Variants in MINDY4 observed in about 807,000 individuals in gnomAD.
MINDY4 encodes the protein MINDY lysine 48 deubiquitinase 4, also known as probable ubiquitin carboxyl-terminal hydrolase MINDY-4.
A neutral mutation model predicts 87.0 loss-of-function variants in MINDY4; 68 were observed. That is an observed-to-expected ratio of 0.78 (90% CI 0.64 to 0.96). The LOEUF is 0.96. MINDY4 is among the 40% of genes least tolerant of loss of function. The pLI is 0.00. For synonymous variants in MINDY4, 379 were observed against 363.2 expected, an observed-to-expected ratio of 1.04 and a Z score of -0.50; for missense variants, 919 against 928.2, an observed-to-expected ratio of 0.99 and a Z score of 0.13.
In MINDY4 at chr7:30,771,439, T is replaced by C. The variant is rs1384301074; in HGVS notation, c.-55T>C. 4 of 1,565,158 alleles carry C rather than the reference T, an allele frequency of 2.6e-6. No homozygotes were observed. The highest frequency in any genetic ancestry group is 2.7e-5 in the African/African-American group (2 of 74,136). On this transcript the variant is annotated 5_prime_UTR_variant, in exon 1 of 18. Transcript: ENST00000265299. ...GCCATACTGCGCCGGACAGACCCAG[T>C]TGCCTGGTGCTGCGGCCCGGCGTGG...
chr7:30,782,130 G>A lies in MINDY4; in HGVS notation c.337G>A (p.Glu113Lys). 6.2e-7 allele frequency: 1 copy of A among 1,613,966 alleles called. No individual in the cohort carries two copies. The highest frequency in any genetic ancestry group is 8.5e-7 in the Non-Finnish European group (1 of 1,179,994). Residue 113 changes from glutamate to lysine, a missense_variant, in exon 3 of 18, where the codon GAG becomes AAG. By Grantham distance (56) the Glu-to-Lys change is moderately conservative. Coordinates refer to ENST00000265299, the MANE Select transcript of MINDY4 (RefSeq NM_032222.3). ...KNNKVPSRCS[E>K]TTLVNIYDLS... is the part of the protein sequence containing the mutation. ...TAACAAAGTGCCATCAAGATGCTCA[G>A]AGACTACACTGGTAAATATATATGA...
intron 6 of MINDY4, among the ~76,000 whole-genome samples, chr7:30,834,043 A>G (rs530100344): frequency 1.3e-5 from 2 of 152,270 alleles, no homozygotes; most frequent in Non-Finnish European, 2.9e-5. Context: ...ACATGGTGCA[A>G]GCTGTTGGTG....
At chr7:30,839,439 C>G in intron 8 of MINDY4, 123 bp downstream of exon 8, 1 of 587,834 alleles carries the variant, frequency 1.7e-6, no homozygotes, top group East Asian at 2.8e-5. Flanking sequence ...CCAGCCAGCC[C>G]CACATGTGCT....
At chr7:30,862,680 G>A (rs1789802128) in intron 13 of MINDY4, among the ~76,000 whole-genome samples, 1 of 152,186 alleles carries the variant, frequency 6.6e-6, no homozygotes, top group African/African-American at 2.4e-5. Context: ...CATTAGGTTT[G>A]TCCAGGGAAG....
chr7:30,794,550 T>C (rs182515029), intron 5 of MINDY4, among the ~76,000 whole-genome samples: 1 of 152,278 alleles, frequency 6.6e-6, no homozygotes, highest in East Asian at 1.9e-4. Flanking sequence ...GCTGAGATGT[T>C]AGGCGGTGTG....
chr7:30,779,146 C>T (rs1028644796), intron 2 of MINDY4, among the ~76,000 whole-genome samples: 5 of 152,170 alleles, frequency 3.3e-5, no homozygotes, highest in Non-Finnish European at 4.4e-5. Context: ...ATGGCACCCT[C>T]TAGTTTTCCT....
chr7:30,859,158 G>C (rs750817745), intron 12 of MINDY4, 99 bp from the exon 13 acceptor site: 10 of 1,232,230 alleles, frequency 8.1e-6, no homozygotes, highest in East Asian at 7.1e-5. Flanking sequence ...AGTTGGCTCA[G>C]GGCAGGCTGC....
In MINDY4 at chr7:30,885,703, C is replaced by T. The variant is rs537891918; in HGVS notation, c.2225+2710C>T. Among the ~76,000 whole-genome samples the T allele has an allele frequency of 1.3e-4, 16 of 127,530 alleles. No individual in the cohort carries two copies. The South Asian group carries it at 2.5e-3, about 20-fold the overall frequency. 83.7% of individuals were successfully genotyped at this position (127,530 alleles called of 152,430 possible). On this transcript the variant is annotated intron_variant, in intron 17 of 17. Transcript: ENST00000265299. ...CTTTGAGAACCAGGTAAGGGCAGTGCCCACCCCCCCCCCAACCCTGCTGCC... is the reference window on the plus strand; with the variant it reads ...CTTTGAGAACCAGGTAAGGGCAGTGTCCACCCCCCCCCCAACCCTGCTGCC...
intron 5 of MINDY4, among the ~76,000 whole-genome samples, chr7:30,802,393 G>T (rs1393134278): frequency 1.3e-5 from 2 of 151,970 alleles, no homozygotes; most frequent in Non-Finnish European, 2.9e-5. Context: ...ATCCTATCCT[G>T]GTTAGCAGAG....
intron 17 of MINDY4, among the ~76,000 whole-genome samples, chr7:30,886,700 G>T (rs1790641438): frequency 1.3e-5 from 2 of 152,212 alleles, no homozygotes; most frequent in Non-Finnish European, 2.9e-5. Flanking sequence ...CAGACTGCTG[G>T]TTTCGCCTTC....
At chr7:30,797,927 G>T (rs1787540435) in intron 5 of MINDY4, among the ~76,000 whole-genome samples, 1 of 152,124 alleles carries the variant, frequency 6.6e-6, no homozygotes, top group Non-Finnish European at 1.5e-5. Context: ...CATCAGCAGG[G>T]CTATGTTCTG....
At chr7:30,806,744 A>G (rs2128557004) in intron 5 of MINDY4, among the ~76,000 whole-genome samples, 1 of 152,288 alleles carries the variant, frequency 6.6e-6, no homozygotes, top group Non-Finnish European at 1.5e-5. Flanking sequence ...TTTTTTATTG[A>G]AGGCTAGGGG....
At chr7:30,890,260 T>A (rs924883546) in intron 17 of MINDY4, among the ~76,000 whole-genome samples, 1 of 152,208 alleles carries the variant, frequency 6.6e-6, no homozygotes, top group Admixed American at 6.5e-5. Context: ...AAATCAAAAT[T>A]TCTTGGGTTG....
chr7:30,883,019 G>C, intron 17 of MINDY4, 26 bp downstream of exon 17: 1 of 1,610,432 alleles, frequency 6.2e-7, no homozygotes, highest in East Asian at 2.2e-5. Context: ...CTCTGGCTTT[G>C]AGCCTCACCC....
At chr7:30,840,261 TGTG>T (rs1364899092) in intron 8 of MINDY4, among the ~76,000 whole-genome samples, 4 of 152,280 alleles carry the variant, frequency 2.6e-5, no homozygotes, top group Middle Eastern at 3.4e-3. Flanking sequence ...ATACACCTAA[TGTG>T]GTGCTGAAGC....
chr7:30,892,099 T>C lies in MINDY4; in HGVS notation c.*94T>C, dbSNP rs1341268462. The C allele has an allele frequency of 1.5e-6, 2 of 1,377,286 alleles. No individual in the cohort carries two copies. Among genetic ancestry groups the C allele is most frequent in the African/African-American group, 1.4e-5 (1 of 70,286 alleles). 85.3% of individuals were successfully genotyped at this position (1,377,286 alleles called of 1,614,324 possible). A position where few individuals can be genotyped will look rare whatever the true frequency, so the allele number is the denominator to read the frequency against. On this transcript the variant is annotated 3_prime_UTR_variant, in exon 18 of 18. Coordinates refer to ENST00000265299, the MANE Select transcript of MINDY4 (RefSeq NM_032222.3). Reference sequence around the variant, plus strand: ...CCAAGCCTCTGGGGCAGGTCTCATGTACCCCAACCTGGGTCAGCATGACTG... The same window carrying C: ...CCAAGCCTCTGGGGCAGGTCTCATGCACCCCAACCTGGGTCAGCATGACTG...
At chr7:30,875,405 C>G (rs1012489117) in intron 14 of MINDY4, 90 bp from the exon 15 acceptor site, 164 of 1,415,542 alleles carry the variant, frequency 1.2e-4, no homozygotes, top group Non-Finnish European at 1.5e-4. Flanking sequence ...CCTTCCTTCT[C>G]CACCCTTTTT....
At chr7:30,782,885 T>G (rs1454526674) in intron 3 of MINDY4, among the ~76,000 whole-genome samples, 1 of 152,192 alleles carries the variant, frequency 6.6e-6, no homozygotes, top group African/African-American at 2.4e-5. Context: ...CTTCACCTGA[T>G]AGGATGTGGC....
intron 5 of MINDY4, among the ~76,000 whole-genome samples, chr7:30,818,241 A>G (rs1412514209): frequency 6.6e-6 from 1 of 152,210 alleles, no homozygotes; most frequent in Non-Finnish European, 1.5e-5. Context: ...TAGATTTTCT[A>G]CTGTTAAAAT....
Sources: gnomAD v4.1 joint callset for allele counts (sites outside exome capture counted in the v4.1 genomes callset) on GRCh38, gnomAD v4.1.1 for gene constraint, MANE v1.5 for transcripts, NCBI Gene and HGNC (gene_info 2026-07-23, HGNC 2026-07-21) for gene names.